The following ABCA13 variants were observed in gnomAD, a reference collection of about 807,000 sequenced individuals.
ABCA13 encodes the protein ATP-binding cassette sub-family A member 13.
In ABCA13, 476 loss-of-function variants were observed where a neutral mutation model predicts 478.7. The ratio of observed to expected loss-of-function variants is 0.99; its 90% CI spans 0.92 to 1.07. The LOEUF (loss-of-function observed/expected upper bound fraction) is 1.07, where lower values mean the gene tolerates loss of function less well. ABCA13 is among the 50% of genes least tolerant of loss of function. ABCA13 has a pLI of 0.00. For synonymous variants in ABCA13, 2,252 were observed against 2,158.9 expected (o/e 1.04, Z -1.20); for missense variants, 6,060 against 5,910.6 (o/e 1.03, Z -0.83).
At chr7:48,281,517 A>G (rs1264112896) in intron 19 of ABCA13, 65 bp downstream of exon 19, 3 of 1,351,824 alleles carry the variant, frequency 2.2e-6, no homozygotes, top group Non-Finnish European at 3.1e-6. Context: ...CTCAGGTGTC[A>G]GAGAGATGAG....
intron 55 of ABCA13, among the ~76,000 whole-genome samples, chr7:48,532,526 T>G (rs1213494516): frequency 2.0e-5 from 3 of 152,154 alleles, no homozygotes; most frequent in African/African-American, 7.2e-5. Context: ...TAGAGTGATT[T>G]AGGGAGGATT....
chr7:48,608,230 G>T (rs1019500381), intron 58 of ABCA13, among the ~76,000 whole-genome samples: 1 of 152,204 alleles, frequency 6.6e-6, no homozygotes, highest in Non-Finnish European at 1.5e-5. Flanking sequence ...TTATGCATAG[G>T]CTAGTTGCTA....
At chr7:48,251,737 T>C (rs1792598931) in intron 15 of ABCA13, among the ~76,000 whole-genome samples, 1 of 152,104 alleles carries the variant, frequency 6.6e-6, no homozygotes, top group Non-Finnish European at 1.5e-5. Context: ...AGTGTGATTG[T>C]TGTTCTTTTT....
intron 59 of ABCA13, among the ~76,000 whole-genome samples, chr7:48,631,251 A>G (rs979591808): frequency 5.9e-5 from 9 of 152,000 alleles, no homozygotes; most frequent in African/African-American, 1.4e-4. Flanking sequence ...GTCCAGAATG[A>G]TATTTCCTAG....
intron 23 of ABCA13, among the ~76,000 whole-genome samples, chr7:48,307,130 G>A (rs1801017923): frequency 6.6e-6 from 1 of 152,082 alleles, no homozygotes; most frequent in Non-Finnish European, 1.5e-5. Context: ...CTCAATGTAT[G>A]TATGCTATGT....
At chr7:48,251,093 T>C (rs1792485446) in intron 15 of ABCA13, among the ~76,000 whole-genome samples, 1 of 152,218 alleles carries the variant, frequency 6.6e-6, no homozygotes, top group African/African-American at 2.4e-5. Context: ...TTGCATTTTC[T>C]ACAGATTACA....
At chr7:48,251,427 A>T (rs946883159) in intron 15 of ABCA13, among the ~76,000 whole-genome samples, 8 of 152,182 alleles carry the variant, frequency 5.3e-5, no homozygotes, top group East Asian at 1.9e-4. Context: ...TCATTTTCAG[A>T]TGAGAAAATT....
At chr7:48,301,217 A>G (rs1800110712) in intron 23 of ABCA13, among the ~76,000 whole-genome samples, 1 of 151,940 alleles carries the variant, frequency 6.6e-6, no homozygotes, top group Non-Finnish European at 1.5e-5. Flanking sequence ...GCTCCTTCAA[A>G]TGGAAAGGTA....
At chr7:48,565,986 G>A (rs1442028616) in intron 55 of ABCA13, among the ~76,000 whole-genome samples, 1 of 152,146 alleles carries the variant, frequency 6.6e-6, no homozygotes, top group Admixed American at 6.6e-5. Flanking sequence ...TTCCTATAAA[G>A]TATGGCCAGT....
At chr7:48,193,841 AGAT>A (rs1207050580) in intron 2 of ABCA13, among the ~76,000 whole-genome samples, 8 of 27,998 alleles carry the variant, frequency 2.9e-4, no homozygotes, top group Admixed American at 1.1e-3. Flanking sequence ...ATGATGATGA[AGAT>A]GATGATAGTG....
chr7:48,234,792 AC>A (rs959181210), intron 8 of ABCA13, among the ~76,000 whole-genome samples: 1 of 152,100 alleles, frequency 6.6e-6, no homozygotes, highest in African/African-American at 2.4e-5. Context: ...ACTATGCGGG[AC>A]CTGGAGCTTT....
chr7:48,357,081 G>A (rs749956192), intron 31 of ABCA13, among the ~76,000 whole-genome samples: 2 of 151,862 alleles, frequency 1.3e-5, no homozygotes, highest in African/African-American at 4.9e-5. Context: ...GCTCCCGTGA[G>A]GCGTTGCATC....
chr7:48,625,269 G>C (rs1035460586), intron 59 of ABCA13, among the ~76,000 whole-genome samples: 4 of 152,162 alleles, frequency 2.6e-5, no homozygotes, highest in Non-Finnish European at 5.9e-5. Flanking sequence ...CTCGGATTAA[G>C]ATTGCATCAC....
chr7:48,495,100 T>G (rs1032673284), intron 48 of ABCA13, among the ~76,000 whole-genome samples: 19 of 152,202 alleles, frequency 1.2e-4, no homozygotes, highest in African/African-American at 4.6e-4. Context: ...TTTGTCATGA[T>G]TCTATCAAAA....
At chr7:48,559,682 C>A (rs1383460450) in intron 55 of ABCA13, among the ~76,000 whole-genome samples, 3 of 152,132 alleles carry the variant, frequency 2.0e-5, no homozygotes, top group African/African-American at 7.2e-5. Flanking sequence ...CATCCAAGGC[C>A]CATGGCATAT....
intron 59 of ABCA13, among the ~76,000 whole-genome samples, chr7:48,624,866 T>C (rs1214227184): frequency 1.3e-5 from 2 of 152,160 alleles, no homozygotes; most frequent in East Asian, 1.9e-4. Context: ...GTTTGTTTGT[T>C]TTTCTTTCTT....
At chr7:48,330,477 A>ATCCGTCCG (rs1417055586) in intron 27 of ABCA13, among the ~76,000 whole-genome samples, 4 of 128,510 alleles carry the variant, frequency 3.1e-5, no homozygotes, top group African/African-American at 1.2e-4. Flanking sequence ...CTGTTTGTCC[A>ATCCGTCCG]TCCATCCGTC....
intron 48 of ABCA13, among the ~76,000 whole-genome samples, chr7:48,497,228 G>T (rs990670704): frequency 2.0e-5 from 3 of 152,190 alleles, no homozygotes; most frequent in East Asian, 3.9e-4. Context: ...TGTGGAGCAT[G>T]TCCAGTGGGT....
At chr7:48,196,329 T>C (rs1017511206) in intron 2 of ABCA13, among the ~76,000 whole-genome samples, 9 of 152,180 alleles carry the variant, frequency 5.9e-5, no homozygotes, top group African/African-American at 2.2e-4. Flanking sequence ...CCTAGAGGTA[T>C]GCAGATGAGC....
Sources: allele counts gnomAD v4.1 joint callset (sites outside exome capture counted in the v4.1 genomes callset), GRCh38; gene constraint gnomAD v4.1.1; transcripts MANE v1.5; gene names NCBI Gene and HGNC (gene_info 2026-07-23, HGNC 2026-07-21).